Variants in GRM1 observed in about 807,000 individuals in gnomAD.
GRM1 encodes the protein metabotropic glutamate receptor 1.
In GRM1, 33 loss-of-function variants were observed where a neutral mutation model predicts 90.9. The observed-to-expected ratio is 0.36, with a 90% CI of 0.28 to 0.49. GRM1 has a LOEUF of 0.49. GRM1 is among the 20% of genes least tolerant of loss of function. The pLI, the probability that GRM1 is intolerant of heterozygous loss-of-function variation, is 0.99. For missense variants in GRM1, 1,190 were observed against 1,534.3 expected (o/e 0.78, Z 3.75); for synonymous variants, 700 against 613.2 (o/e 1.14, Z -2.09).
chr6:146,203,619 C>T (rs1453087284), intron 2 of GRM1, among the ~76,000 whole-genome samples: 3 of 152,158 alleles, frequency 2.0e-5, no homozygotes, highest in Non-Finnish European at 4.4e-5. Flanking sequence ...CTCCAGCTTT[C>T]TCTACCATGG....
intron 1 of GRM1, among the ~76,000 whole-genome samples, chr6:146,054,150 G>A (rs1775400225): frequency 6.6e-6 from 1 of 152,012 alleles, no homozygotes; most frequent in East Asian, 1.9e-4. Context: ...CTCATGATTT[G>A]TTGGGCTGTC....
At chr6:146,292,756 C>T (rs187333806) in intron 2 of GRM1, among the ~76,000 whole-genome samples, 13 of 152,014 alleles carry the variant, frequency 8.6e-5, no homozygotes, top group Admixed American at 2.0e-4. Context: ...CCAGCATTTT[C>T]ATTCCTGGAT....
At chr6:146,278,863 G>A (rs1032440421) in intron 2 of GRM1, among the ~76,000 whole-genome samples, 7 of 152,010 alleles carry the variant, frequency 4.6e-5, no homozygotes, top group African/African-American at 9.7e-5. Flanking sequence ...TAGAGGTTAC[G>A]CCCGGCTAAT....
chr6:146,414,369 G>C (rs116280400), intron 7 of GRM1, among the ~76,000 whole-genome samples: 3 of 110,910 alleles, frequency 2.7e-5, no homozygotes, highest in African/African-American at 1.2e-4. Flanking sequence ...TTATTGGGCC[G>C]TTTGCCTTTT....
chr6:146,138,718 C>A (rs1280776493), intron 1 of GRM1, among the ~76,000 whole-genome samples: 1 of 151,508 alleles, frequency 6.6e-6, no homozygotes, highest in African/African-American at 2.4e-5. Flanking sequence ...TTTATTTGAG[C>A]CTTATCTGCT....
intron 2 of GRM1, among the ~76,000 whole-genome samples, chr6:146,179,420 C>T (rs1057322241): frequency 6.6e-6 from 1 of 152,194 alleles, no homozygotes; most frequent in Non-Finnish European, 1.5e-5. Flanking sequence ...TCTGCTCATT[C>T]ATTTATATGA....
At chr6:146,124,353 T>C (rs1425063224) in intron 1 of GRM1, among the ~76,000 whole-genome samples, 1 of 152,214 alleles carries the variant, frequency 6.6e-6, no homozygotes, top group Non-Finnish European at 1.5e-5. Context: ...AATTTCTTCA[T>C]TGCTGATTTC....
chr6:146,173,899 G>T (rs1038445168), intron 2 of GRM1, among the ~76,000 whole-genome samples: 2 of 151,876 alleles, frequency 1.3e-5, no homozygotes, highest in East Asian at 3.9e-4. Flanking sequence ...CTTGTGATCC[G>T]CCCGCCTTCG....
At chr6:146,232,838 C>T (rs1397128613) in intron 2 of GRM1, among the ~76,000 whole-genome samples, 1 of 152,068 alleles carries the variant, frequency 6.6e-6, no homozygotes, top group African/African-American at 2.4e-5. Flanking sequence ...TTTGATGTGA[C>T]ACAATTCATT....
chr6:146,242,145 T>A (rs1029434195), intron 2 of GRM1, among the ~76,000 whole-genome samples: 1 of 152,122 alleles, frequency 6.6e-6, no homozygotes, highest in Non-Finnish European at 1.5e-5. Flanking sequence ...TATATGGGGT[T>A]AAGAGCTCCA....
intron 2 of GRM1, among the ~76,000 whole-genome samples, chr6:146,167,763 G>A (rs1175998708): frequency 6.6e-6 from 1 of 152,030 alleles, no homozygotes; most frequent in Non-Finnish European, 1.5e-5. Context: ...AGTCGTAAAA[G>A]TTATTTATAA....
At chr6:146,281,569 GATTATA>G (rs1220488149) in intron 2 of GRM1, among the ~76,000 whole-genome samples, 1 of 152,118 alleles carries the variant, frequency 6.6e-6, no homozygotes, top group East Asian at 1.9e-4. Context: ...ATGTAATTTA[GATTATA>G]ATTATCATTT....
chr6:146,235,118 G>A (rs1213666327), intron 2 of GRM1, among the ~76,000 whole-genome samples: 2 of 152,108 alleles, frequency 1.3e-5, no homozygotes, highest in Non-Finnish European at 2.9e-5. Context: ...TGCTGGCAAT[G>A]AATTCTCTCT....
At chr6:146,427,734 T>C (rs1435873504) in intron 7 of GRM1, among the ~76,000 whole-genome samples, 1 of 152,108 alleles carries the variant, frequency 6.6e-6, no homozygotes, top group African/African-American at 2.4e-5. Context: ...AACTGAGAGG[T>C]GTCTGCGCAT....
intron 2 of GRM1, among the ~76,000 whole-genome samples, chr6:146,193,992 C>T (rs1779024602): frequency 6.6e-6 from 1 of 151,898 alleles, no homozygotes; most frequent in Non-Finnish European, 1.5e-5. Flanking sequence ...TTTACCTTCT[C>T]TTCAACAGCA....
chr6:146,265,229 T>G (rs1458639615), intron 2 of GRM1, among the ~76,000 whole-genome samples: 1 of 152,174 alleles, frequency 6.6e-6, no homozygotes, highest in African/African-American at 2.4e-5. Context: ...CCATTCTGAC[T>G]AGTGTAAAAT....
chr6:146,361,267 C>T (rs1312626322), intron 5 of GRM1, among the ~76,000 whole-genome samples: 3 of 152,144 alleles, frequency 2.0e-5, no homozygotes, highest in East Asian at 1.9e-4. Flanking sequence ...AGAAGATGAA[C>T]GAGCAGTGAC....
chr6:146,076,637 T>C (rs1011385870), intron 1 of GRM1, among the ~76,000 whole-genome samples: 1 of 152,094 alleles, frequency 6.6e-6, no homozygotes, highest in Non-Finnish European at 1.5e-5. Context: ...TGGAGCAAGT[T>C]TGGAGGCAGG....
intron 1 of GRM1, among the ~76,000 whole-genome samples, chr6:146,092,323 G>C (rs1488536222): frequency 1.3e-5 from 2 of 152,044 alleles, no homozygotes; most frequent in Non-Finnish European, 2.9e-5. Flanking sequence ...TCCTACTGGG[G>C]ACTAGGGTTT....
Sources: gnomAD v4.1 joint callset for allele counts (sites outside exome capture counted in the v4.1 genomes callset) on GRCh38, gnomAD v4.1.1 for gene constraint, MANE v1.5 for transcripts, NCBI Gene and HGNC (gene_info 2026-07-23, HGNC 2026-07-21) for gene names.